The following ST7 variants were observed in gnomAD, a reference collection of about 807,000 sequenced individuals.
The protein encoded by ST7 is suppressor of tumorigenicity 7 protein.
Under a neutral mutation model 78.7 loss-of-function variants are expected in ST7, and 28 were observed. That is an observed-to-expected ratio of 0.36 (90% CI 0.26 to 0.49). ST7 has a LOEUF of 0.49. ST7 is among the 20% of genes least tolerant of loss of function. The pLI is 0.99. For synonymous variants in ST7, 247 were observed against 249.6 expected, an observed-to-expected ratio of 0.99 and a Z score of 0.10; for missense variants, 418 against 696.0, an observed-to-expected ratio of 0.60 and a Z score of 4.49.
chr7:117,057,429 T>C (rs146080992), intron 1 of ST7, among the ~76,000 whole-genome samples: 1 of 152,310 alleles, frequency 6.6e-6, no homozygotes, highest in African/African-American at 2.4e-5. Context: ...TCTTTCCATA[T>C]TGTTGATTCG....
intron 12 of ST7, among the ~76,000 whole-genome samples, chr7:117,198,724 A>G (rs1584577848): frequency 6.6e-6 from 1 of 151,924 alleles, no homozygotes. Flanking sequence ...TCCCTGTTGC[A>G]CCTGCCTCCT....
chr7:117,171,945 T>C (rs1344663697), intron 10 of ST7, among the ~76,000 whole-genome samples: 1 of 145,114 alleles, frequency 6.9e-6, no homozygotes, highest in Non-Finnish European at 1.5e-5. Context: ...ACCATTTGGG[T>C]CTTTTTTTTT....
At chr7:117,170,210 G>A (rs935742900) in intron 9 of ST7, among the ~76,000 whole-genome samples, 2 of 151,922 alleles carry the variant, frequency 1.3e-5, no homozygotes, top group Admixed American at 6.6e-5. Flanking sequence ...TTTCTCCATG[G>A]CATTTTATCT....
At chr7:117,001,689 T>C (rs1219495554) in intron 1 of ST7, among the ~76,000 whole-genome samples, 1 of 152,208 alleles carries the variant, frequency 6.6e-6, no homozygotes, top group South Asian at 2.1e-4. Context: ...AGTGTTATTA[T>C]CTTTTTTTGT....
chr7:117,015,953 A>AAT (rs1795595287), intron 1 of ST7, among the ~76,000 whole-genome samples: 1 of 152,182 alleles, frequency 6.6e-6, no homozygotes, highest in Non-Finnish European at 1.5e-5. Flanking sequence ...CAGTATCTAT[A>AAT]AATTATAACT....
Position 117,065,405 on chromosome 7 carries a change from T to A in ST7, c.152-34357T>A, listed in dbSNP as rs188574615. Reference sequence around the variant, plus strand: ...TTTGTATTTTTAGTAGAGACGGGGTTTCACCGTGTTAGCCAGGATGGTCTC... The same window carrying A: ...TTTGTATTTTTAGTAGAGACGGGGTATCACCGTGTTAGCCAGGATGGTCTC... On this transcript the variant is annotated intron_variant, in intron 1 of 15. Coordinates refer to ENST00000323984, the MANE Select transcript of ST7 (RefSeq NM_001369598.1). 5.1e-4 allele frequency among the ~76,000 whole-genome samples: 77 copies of A among 152,160 alleles called. 1 individual carries two copies. The East Asian group carries it at 0.01, about 20-fold the overall frequency.
intron 9 of ST7, among the ~76,000 whole-genome samples, chr7:117,166,417 A>G (rs1407090419): frequency 1.3e-5 from 2 of 151,222 alleles, no homozygotes; most frequent in Non-Finnish European, 2.9e-5. Context: ...ATACTTAAAT[A>G]TCTCATAATG....
intron 1 of ST7, among the ~76,000 whole-genome samples, chr7:117,040,435 C>T (rs1797150135): frequency 6.6e-6 from 1 of 152,138 alleles, no homozygotes; most frequent in African/African-American, 2.4e-5. Flanking sequence ...CACACACACA[C>T]CCTTTTACAG....
chr7:116,989,724 A>T (rs1293546268), intron 1 of ST7, among the ~76,000 whole-genome samples: 1 of 151,994 alleles, frequency 6.6e-6, no homozygotes, highest in East Asian at 1.9e-4. Context: ...CTGTAGTCCT[A>T]GCTGCTCAGG....
At chr7:117,106,610 A>G (rs1584677697) in intron 2 of ST7, among the ~76,000 whole-genome samples, 1 of 132,346 alleles carries the variant, frequency 7.6e-6, no homozygotes, top group South Asian at 2.4e-4. Flanking sequence ...AGTTCATTGT[A>G]TCATTCTTTT....
At chr7:117,188,997 C>T (rs1200936359) in intron 10 of ST7, among the ~76,000 whole-genome samples, 1 of 152,074 alleles carries the variant, frequency 6.6e-6, no homozygotes, top group Non-Finnish European at 1.5e-5. Flanking sequence ...CAAGGATATT[C>T]ATGTGATATC....
intron 1 of ST7, among the ~76,000 whole-genome samples, chr7:116,990,640 C>G (rs1016035201): frequency 6.6e-6 from 1 of 152,178 alleles, no homozygotes; most frequent in Non-Finnish European, 1.5e-5. Flanking sequence ...CATACCCATA[C>G]TCTTTTCAGG....
intron 9 of ST7, among the ~76,000 whole-genome samples, chr7:117,162,801 C>T (rs1807259307): frequency 6.6e-6 from 1 of 152,140 alleles, no homozygotes; most frequent in South Asian, 2.1e-4. Flanking sequence ...CAAATCTGGT[C>T]TCCTATCTGT....
intron 9 of ST7, among the ~76,000 whole-genome samples, chr7:117,154,914 G>A (rs1000976738): frequency 6.6e-5 from 10 of 152,206 alleles, no homozygotes; most frequent in African/African-American, 2.4e-4. Context: ...AGGGAGGAAG[G>A]GGAGGGAGTG....
intron 12 of ST7, among the ~76,000 whole-genome samples, chr7:117,205,221 A>C (rs1488152618): frequency 6.6e-6 from 1 of 152,196 alleles, no homozygotes; most frequent in Non-Finnish European, 1.5e-5. Flanking sequence ...TTTTGTCAAA[A>C]TAATTAATAA....
intron 1 of ST7, among the ~76,000 whole-genome samples, chr7:116,996,783 A>G (rs1274010739): frequency 6.6e-6 from 1 of 152,176 alleles, no homozygotes; most frequent in Non-Finnish European, 1.5e-5. Flanking sequence ...TACTATTTAC[A>G]CTTTCTAGTA....
intron 2 of ST7, among the ~76,000 whole-genome samples, chr7:117,114,404 C>CAA (rs200224380): frequency 1.8e-4 from 24 of 131,906 alleles, no homozygotes; most frequent in Middle Eastern, 3.8e-3. Flanking sequence ...TCCCTTTTGC[C>CAA]AAAAAAAAAA....
chr7:117,176,211 T>TCTTC (rs1808332882), intron 10 of ST7, among the ~76,000 whole-genome samples: 1 of 152,232 alleles, frequency 6.6e-6, no homozygotes, highest in Admixed American at 6.5e-5. Flanking sequence ...CTTCTCTTGT[T>TCTTC]CTTCCCTTCC....
intron 1 of ST7, among the ~76,000 whole-genome samples, chr7:117,066,602 A>G (rs182399127): frequency 6.6e-6 from 1 of 151,892 alleles, no homozygotes; most frequent in African/African-American, 2.4e-5. Flanking sequence ...TCTACTAAAA[A>G]ATACAAATAT....
Sources: allele counts gnomAD v4.1 joint callset (sites outside exome capture counted in the v4.1 genomes callset), GRCh38; gene constraint gnomAD v4.1.1; transcripts MANE v1.5; gene names NCBI Gene and HGNC (gene_info 2026-07-23, HGNC 2026-07-21).